Variants in MSI2 observed in about 807,000 individuals in gnomAD.
MSI2 encodes musashi RNA binding protein 2.
A neutral mutation model predicts 45.6 loss-of-function variants in MSI2; 17 were observed. The observed-to-expected ratio is 0.37, with a 90% CI of 0.26 to 0.56. The LOEUF (loss-of-function observed/expected upper bound fraction) is 0.56, where lower values mean the gene tolerates loss of function less well. Among genes scored for constraint, MSI2 ranks in the 20% least tolerant of loss-of-function variants. MSI2 has a pLI of 0.77. For missense variants in MSI2, 293 were observed against 444.2 expected (o/e 0.66, Z 3.06); for synonymous variants, 156 against 158.2 (o/e 0.99, Z 0.11).
At chr17:57,443,225 G>A (rs1360732920) in intron 6 of MSI2, among the ~76,000 whole-genome samples, 1 of 152,190 alleles carries the variant, frequency 6.6e-6, no homozygotes, top group African/African-American at 2.4e-5. Flanking sequence ...GGGGCCATGT[G>A]TGGAGCCCTC....
At chr17:57,478,372 CT>C (rs1320027727) in intron 6 of MSI2, among the ~76,000 whole-genome samples, 1 of 152,218 alleles carries the variant, frequency 6.6e-6, no homozygotes, top group African/African-American at 2.4e-5. Context: ...CACAAAAGCA[CT>C]AGAGAAGCCT....
Position 57,497,373 on chromosome 17 carries a change from C to G in MSI2, c.406-32303C>G, listed in dbSNP as rs190802423. 1.3e-4 allele frequency among the ~76,000 whole-genome samples: 20 copies of G among 152,270 alleles called. No homozygotes were observed. In the East Asian group the frequency reaches 3.3e-3, roughly 25 times the overall value. Reference sequence around the variant, plus strand: ...TGAAAAGCTACTCTGAGTGACCCCACGTATAAAGCGAGGAAAGGGAACAGG... The same window carrying G: ...TGAAAAGCTACTCTGAGTGACCCCAGGTATAAAGCGAGGAAAGGGAACAGG... On this transcript the variant is annotated intron_variant, in intron 6 of 13. Coordinates refer to ENST00000284073, the MANE Select transcript of MSI2 (RefSeq NM_138962.4).
chr17:57,591,020 G>T (rs1904780038), intron 7 of MSI2, among the ~76,000 whole-genome samples: 1 of 152,234 alleles, frequency 6.6e-6, no homozygotes. Flanking sequence ...ACTCGCCATA[G>T]ACTAGAATCC....
At chr17:57,658,699 G>A (rs139228929) in intron 11 of MSI2, among the ~76,000 whole-genome samples, 91 of 152,344 alleles carry the variant, frequency 6.0e-4, no homozygotes, top group African/African-American at 2.1e-3. Flanking sequence ...AATGGAGTGG[G>A]GGAATGTTAA....
At chr17:57,632,302 G>A (rs1909457111) in intron 10 of MSI2, 1 of 1,073,676 alleles carries the variant, frequency 9.3e-7, no homozygotes, top group Non-Finnish European at 1.1e-6. Context: ...TGATAAAGGT[G>A]AACACACAGA....
intron 5 of MSI2, among the ~76,000 whole-genome samples, chr17:57,321,310 G>C (rs899046382): frequency 6.6e-6 from 1 of 151,968 alleles, no homozygotes; most frequent in Non-Finnish European, 1.5e-5. Flanking sequence ...AGCAGAGAGG[G>C]ATGGTAATTA....
intron 8 of MSI2, among the ~76,000 whole-genome samples, chr17:57,615,003 C>G (rs1171091434): frequency 6.6e-6 from 1 of 152,132 alleles, no homozygotes; most frequent in African/African-American, 2.4e-5. Context: ...TATTACTTCC[C>G]TCAGGAGTGT....
intron 7 of MSI2, among the ~76,000 whole-genome samples, chr17:57,557,300 C>A (rs112043463): frequency 6.4e-4 from 97 of 152,316 alleles, no homozygotes; most frequent in Admixed American, 3.5e-3. Flanking sequence ...CCTCTTTTTA[C>A]GCAAGATGAG....
rs879007475 is a variant in MSI2, at chr17:57,673,959, T to A, written c.791-1013T>A. On this transcript the variant is annotated intron_variant, in intron 11 of 13. Transcript: ENST00000284073. ...CATACTTCTTTGTCTTTTTTTTTTT[T>A]AAACAAAAGGAAAAAAAGTTTAAAT... Among the ~76,000 whole-genome samples the A allele has an allele frequency of 6.6e-5, 10 of 151,856 alleles. 1 individual carries two copies. In the South Asian group the frequency reaches 1.9e-3, roughly 29 times the overall value.
intron 11 of MSI2, among the ~76,000 whole-genome samples, chr17:57,672,486 C>T (rs1013678139): frequency 1.3e-5 from 2 of 152,200 alleles, no homozygotes; most frequent in African/African-American, 4.8e-5. Flanking sequence ...GTCTCCGAGG[C>T]TGCTTCTGCT....
intron 6 of MSI2, among the ~76,000 whole-genome samples, chr17:57,528,451 G>A (rs1057026385): frequency 6.6e-6 from 1 of 152,228 alleles, no homozygotes; most frequent in Non-Finnish European, 1.5e-5. Flanking sequence ...AAGAGAGACA[G>A]AGGACGCCTT....
intron 5 of MSI2, among the ~76,000 whole-genome samples, chr17:57,386,401 G>T (rs1715852687): frequency 1.3e-5 from 2 of 152,152 alleles, no homozygotes; most frequent in South Asian, 4.1e-4. Context: ...GAGAAAACAA[G>T]TAGGGTGTCC....
intron 11 of MSI2, among the ~76,000 whole-genome samples, chr17:57,668,993 A>C (rs1912578078): frequency 1.3e-5 from 2 of 152,224 alleles, no homozygotes; most frequent in Non-Finnish European, 2.9e-5. Context: ...CTCCAGGCTA[A>C]GCTCTAGAAG....
At chr17:57,423,139 T>C (rs2084428031) in intron 6 of MSI2, among the ~76,000 whole-genome samples, 1 of 152,156 alleles carries the variant, frequency 6.6e-6, no homozygotes, top group African/African-American at 2.4e-5. Flanking sequence ...AAAGTTAAAA[T>C]AGAGTGATCT....
intron 9 of MSI2, among the ~76,000 whole-genome samples, chr17:57,619,700 T>C (rs1219952243): frequency 6.6e-6 from 1 of 152,084 alleles, no homozygotes; most frequent in Non-Finnish European, 1.5e-5. Flanking sequence ...GAGCACCTAC[T>C]GAGGTGGTAG....
At chr17:57,450,224 GA>G (rs1373084006) in intron 6 of MSI2, 1 of 126,936 alleles carries the variant, frequency 7.9e-6, no homozygotes, top group African/African-American at 3.5e-5. Flanking sequence ...TCTGGGGCTG[GA>G]GTAACAACTG....
chr17:57,585,891 C>T (rs2088333277), intron 7 of MSI2, among the ~76,000 whole-genome samples: 1 of 152,258 alleles, frequency 6.6e-6, no homozygotes, highest in Non-Finnish European at 1.5e-5. Context: ...TCCAGCTGCG[C>T]ACACGACCTC....
At chr17:57,388,263 G>T (rs1022483119) in intron 5 of MSI2, among the ~76,000 whole-genome samples, 6 of 152,238 alleles carry the variant, frequency 3.9e-5, no homozygotes, top group African/African-American at 1.4e-4. Context: ...CTCAAAGGAA[G>T]TTACTTGTGG....
At chr17:57,362,895 C>G (rs1053722383) in intron 5 of MSI2, among the ~76,000 whole-genome samples, 2 of 152,044 alleles carry the variant, frequency 1.3e-5, no homozygotes, top group Non-Finnish European at 2.9e-5. Flanking sequence ...CTGTTGGAAC[C>G]CTTACGTGTT....
Sources: gnomAD v4.1 joint callset for allele counts (sites outside exome capture counted in the v4.1 genomes callset) on GRCh38, gnomAD v4.1.1 for gene constraint, MANE v1.5 for transcripts, NCBI Gene and HGNC (gene_info 2026-07-23, HGNC 2026-07-21) for gene names.